The following PTN variants were observed in gnomAD, a reference collection of about 807,000 sequenced individuals.
PTN encodes pleiotrophin, also known as heparin affin regulatory protein.
In PTN, 18 loss-of-function variants were observed where a neutral mutation model predicts 24.1. The observed-to-expected ratio is 0.75, with a 90% CI of 0.52 to 1.11. The LOEUF is 1.11. PTN is among the 50% of genes least tolerant of loss of function. The pLI is 0.00. For synonymous variants in PTN, 78 were observed against 68.6 expected, an observed-to-expected ratio of 1.14 and a Z score of -0.67; for missense variants, 163 against 198.8, an observed-to-expected ratio of 0.82 and a Z score of 1.08.
At chr7:137,264,239 C>T (rs950769173) in intron 1 of PTN, among the ~76,000 whole-genome samples, 2 of 152,102 alleles carry the variant, frequency 1.3e-5, no homozygotes, top group Non-Finnish European at 2.9e-5. Context: ...TAGCATTATG[C>T]AAACAAGTTT....
chr7:137,229,653 G>T (rs1471134693), intron 4 of PTN, among the ~76,000 whole-genome samples: 5 of 151,666 alleles, frequency 3.3e-5, no homozygotes, highest in Admixed American at 6.6e-5. Flanking sequence ...CTAAATTGTT[G>T]TCCATAATTG....
At chr7:137,305,759 A>C (rs1254570738) in intron 1 of PTN, among the ~76,000 whole-genome samples, 1 of 152,118 alleles carries the variant, frequency 6.6e-6, no homozygotes, top group Non-Finnish European at 1.5e-5. Context: ...AATGAGCTCA[A>C]ATCAAGTGGC....
At chr7:137,297,138 G>A (rs1158449148) in intron 1 of PTN, among the ~76,000 whole-genome samples, 1 of 152,042 alleles carries the variant, frequency 6.6e-6, no homozygotes, top group African/African-American at 2.4e-5. Context: ...AAATAATGTT[G>A]ACTAAAATAC....
intron 3 of PTN, among the ~76,000 whole-genome samples, chr7:137,252,408 G>T (rs374197494): frequency 1.6e-4 from 24 of 151,714 alleles, no homozygotes; most frequent in African/African-American, 3.9e-4. Flanking sequence ...TTTGTTTTTT[G>T]TTGTTGTTGT....
chr7:137,228,703 C>T (rs1808377447), intron 4 of PTN, among the ~76,000 whole-genome samples: 1 of 151,832 alleles, frequency 6.6e-6, no homozygotes, highest in Admixed American at 6.6e-5. Context: ...TGGAATGTGT[C>T]AACATAGGCT....
intron 1 of PTN, among the ~76,000 whole-genome samples, chr7:137,257,580 T>C (rs1010462683): frequency 6.6e-6 from 1 of 152,234 alleles, no homozygotes; most frequent in African/African-American, 2.4e-5. Flanking sequence ...GTCTTTGAGC[T>C]TTCCCCAGAG....
intron 1 of PTN, among the ~76,000 whole-genome samples, chr7:137,334,721 C>G (rs2128883289): frequency 6.7e-6 from 1 of 149,892 alleles, no homozygotes; most frequent in African/African-American, 2.5e-5. Context: ...ATAAATCATG[C>G]TGCTATAAAG....
In PTN at chr7:137,302,516, G is replaced by T. The variant is rs139217661; in HGVS notation, c.-2+40923C>A. 4.0e-3 allele frequency among the ~76,000 whole-genome samples: 606 copies of T among 151,944 alleles called. 5 individuals carry two copies. The highest frequency in any genetic ancestry group is 0.014 in the African/African-American group (584 of 41,500). ...TTCAGAAATGGATGCAAAAGAACTG[G>T]GTTTATTACCAACTTATACCAAATA... On this transcript the variant is annotated intron_variant, in intron 1 of 4. Transcript: ENST00000348225.
chr7:137,342,308 C>T lies in PTN; in HGVS notation c.-2+1131G>A, dbSNP rs575022915. 3.5e-4 allele frequency among the ~76,000 whole-genome samples: 54 copies of T among 152,230 alleles called. 2 individuals are homozygous for T. The South Asian group carries it at 8.1e-3, about 23-fold the overall frequency. ...TAGCACACACACACGCACATGCACA[C>T]GCACACACACACATCACCCCTTTCT... On this transcript the variant is annotated intron_variant, in intron 1 of 4. Transcript: ENST00000348225.
At position 137,289,357 on chromosome 7, in the gene PTN, T is replaced by G. The variant is rs78655090; in HGVS notation, c.-1-34383A>C. ...TCCTGTGAATCATTGGAAGAGAACT[T>G]TGGCTTTCAGGTGTGTGTTAGGCAG... is the stretch of plus-strand genomic sequence containing the variant. On this transcript the variant is annotated intron_variant, in intron 1 of 4. Transcript: ENST00000348225. Among the ~76,000 whole-genome samples, 499 of 152,186 alleles carry G rather than the reference T, an allele frequency of 3.3e-3. 1 individual carries two copies. Among genetic ancestry groups the G allele is most frequent in the Non-Finnish European group, 5.4e-3 (368 of 67,980 alleles).
intron 4 of PTN, among the ~76,000 whole-genome samples, chr7:137,235,595 G>A (rs1304067593): frequency 6.6e-6 from 1 of 152,100 alleles, no homozygotes; most frequent in East Asian, 1.9e-4. Flanking sequence ...TTTCTTCTTT[G>A]ATTTCCTATT....
intron 1 of PTN, among the ~76,000 whole-genome samples, chr7:137,266,868 C>CTT (rs57274644): frequency 1.6e-4 from 16 of 98,754 alleles, no homozygotes; most frequent in African/African-American, 4.1e-4. Context: ...TATAGATGGC[C>CTT]TTTTTTTTTT....
At chr7:137,229,338 C>T (rs1398646931) in intron 4 of PTN, among the ~76,000 whole-genome samples, 1 of 151,658 alleles carries the variant, frequency 6.6e-6, no homozygotes, top group African/African-American at 2.4e-5. Flanking sequence ...AAAACAATGA[C>T]CAACAGGGAT....
At chr7:137,278,306 C>CAATAA (rs1809402931) in intron 1 of PTN, among the ~76,000 whole-genome samples, 1 of 62,844 alleles carries the variant, frequency 1.6e-5, no homozygotes, top group Non-Finnish European at 2.7e-5. Context: ...GACTCCGTCT[C>CAATAA]AAAAAAAAAA....
chr7:137,269,828 TCAC>T (rs1809244013), intron 1 of PTN, among the ~76,000 whole-genome samples: 1 of 151,918 alleles, frequency 6.6e-6, no homozygotes, highest in Non-Finnish European at 1.5e-5. Context: ...AGATGGGATT[TCAC>T]CATGTTGGCC....
intron 1 of PTN, among the ~76,000 whole-genome samples, chr7:137,334,895 G>A (rs1006084581): frequency 6.6e-6 from 1 of 151,788 alleles, no homozygotes; most frequent in Non-Finnish European, 1.5e-5. Flanking sequence ...CCTTTGTAGG[G>A]ACATGGATGA....
At chr7:137,318,887 A>G (rs979569439) in intron 1 of PTN, 18 of 152,196 alleles carry the variant, frequency 1.2e-4, no homozygotes, top group East Asian at 5.8e-4. Flanking sequence ...ATTGCCCTCA[A>G]TAAGTAGAAT....
At chr7:137,265,835 C>A (rs1177768749) in intron 1 of PTN, among the ~76,000 whole-genome samples, 1 of 151,576 alleles carries the variant, frequency 6.6e-6, no homozygotes, top group Non-Finnish European at 1.5e-5. Context: ...TCTTAATTGC[C>A]AAAGTTTGTT....
chr7:137,311,790 A>T (rs990890751), intron 1 of PTN, among the ~76,000 whole-genome samples: 1 of 128,342 alleles, frequency 7.8e-6, no homozygotes, highest in South Asian at 2.1e-4. Context: ...AGTAACATCA[A>T]GATCACTGAT....
Sources: allele counts gnomAD v4.1 joint callset (sites outside exome capture counted in the v4.1 genomes callset), GRCh38; gene constraint gnomAD v4.1.1; transcripts MANE v1.5; gene names NCBI Gene and HGNC (gene_info 2026-07-23, HGNC 2026-07-21).